Variants in FBXO42 observed in about 807,000 individuals in gnomAD.
FBXO42 encodes F-box only protein 42.
Under a neutral mutation model 71.7 loss-of-function variants are expected in FBXO42, and 12 were observed. The observed-to-expected ratio is 0.17, with a 90% CI of 0.11 to 0.27. FBXO42 has a LOEUF of 0.27. Among genes scored for constraint, FBXO42 ranks in the 10% least tolerant of loss-of-function variants. FBXO42 has a pLI of 1.00. For synonymous variants in FBXO42, 325 were observed against 327.5 expected, an observed-to-expected ratio of 0.99 and a Z score of 0.08; for missense variants, 707 against 911.9, an observed-to-expected ratio of 0.78 and a Z score of 2.89.
At chr1:16,351,566 GA>G (rs1323960302) in intron 1 of FBXO42, among the ~76,000 whole-genome samples, 2 of 151,610 alleles carry the variant, frequency 1.3e-5, no homozygotes, top group African/African-American at 4.9e-5. Context: ...ACTCAGCGCT[GA>G]AGTTACTCTG....
chr1:16,255,824 A>C lies in FBXO42; in HGVS notation c.657-3T>G. 8.7e-6 allele frequency: 14 copies of C among 1,607,466 alleles called. No individual in the cohort carries two copies. Among genetic ancestry groups the C allele is most frequent in the Non-Finnish European group, 1.2e-5 (14 of 1,176,284 alleles). ...GGGTTGTCACAATGCAGTTCCACCT[A>C]ATGTAAAAAGACAGGAGGAAGTCAA... On this transcript the variant is annotated splice_polypyrimidine_tract_variant and splice_region_variant and intron_variant, in intron 5 of 9. Coordinates refer to ENST00000375592, the MANE Select transcript of FBXO42 (RefSeq NM_018994.3).
At chr1:16,321,906 C>T (rs893029070) in intron 1 of FBXO42, among the ~76,000 whole-genome samples, 1 of 152,078 alleles carries the variant, frequency 6.6e-6, no homozygotes, top group African/African-American at 2.4e-5. Context: ...TGGTGGCTCA[C>T]GCCTGTAATC....
At chr1:16,320,716 TG>T (rs1281704935) in intron 1 of FBXO42, among the ~76,000 whole-genome samples, 1 of 151,606 alleles carries the variant, frequency 6.6e-6, no homozygotes, top group Non-Finnish European at 1.5e-5. Flanking sequence ...TGGAGTGCAG[TG>T]GCATGATCAA....
rs149665794 is a variant in FBXO42, at chr1:16,305,498, C to T, written c.367+305G>A. 5.5e-4 allele frequency among the ~76,000 whole-genome samples: 84 copies of T among 152,118 alleles called. 1 individual carries two copies. The highest frequency in any genetic ancestry group is 1.5e-4 in the Non-Finnish European group (10 of 68,022). ...CTGGGAGGCCAAGGCAGGCCTATTG[C>T]TTGAGCTCAGTTCAAGACTAGACTG... On this transcript the variant is annotated intron_variant, in intron 3 of 9. Transcript: ENST00000375592.
At chr1:16,280,027 T>C (rs2081945918) in intron 4 of FBXO42, among the ~76,000 whole-genome samples, 1 of 152,050 alleles carries the variant, frequency 6.6e-6, no homozygotes, top group Non-Finnish European at 1.5e-5. Context: ...TTGTATTTTT[T>C]AGTAAAGACA....
intron 1 of FBXO42, among the ~76,000 whole-genome samples, chr1:16,334,312 A>C (rs2082529770): frequency 6.6e-6 from 1 of 150,514 alleles, no homozygotes; most frequent in South Asian, 2.1e-4. Context: ...GGGTGCCTGT[A>C]GTCCCAGCTA....
chr1:16,257,141 T>A (rs2081655394), intron 4 of FBXO42, among the ~76,000 whole-genome samples: 1 of 152,098 alleles, frequency 6.6e-6, no homozygotes, highest in South Asian at 2.1e-4. Context: ...CCCCTTCCCA[T>A]CCCTTTAACA....
At chr1:16,309,854 G>C (rs1379040991) in intron 2 of FBXO42, among the ~76,000 whole-genome samples, 1 of 151,756 alleles carries the variant, frequency 6.6e-6, no homozygotes, top group Admixed American at 6.6e-5. Flanking sequence ...GACCAGCCTG[G>C]TCAACATGGT....
intron 2 of FBXO42, among the ~76,000 whole-genome samples, chr1:16,308,699 T>G (rs1351171317): frequency 4.0e-5 from 6 of 150,202 alleles, no homozygotes; most frequent in Non-Finnish European, 7.4e-5. Flanking sequence ...TTCATAGAGA[T>G]GGAGGTTGAC....
intron 2 of FBXO42, among the ~76,000 whole-genome samples, chr1:16,313,324 CAAAGAAAGAAAG>C (rs57296538): frequency 0.25 from 35,086 of 137,612 alleles, 4,964 homozygotes; most frequent in Non-Finnish European, 0.33. Context: ...GAAAAGAAAA[CAAAGAAAGAAAG>C]AAAGAAAGAA....
chr1:16,322,158 C>T (rs894231225), intron 1 of FBXO42, among the ~76,000 whole-genome samples: 3 of 152,094 alleles, frequency 2.0e-5, no homozygotes, highest in African/African-American at 4.8e-5. Context: ...TTTTATTGGT[C>T]AGAATTAATA....
At position 16,287,807 on chromosome 1, in the gene FBXO42, G is replaced by A. The variant is rs192242285; in HGVS notation, c.502+6976C>T. 5.1e-4 allele frequency among the ~76,000 whole-genome samples: 78 copies of A among 152,172 alleles called. 1 individual carries two copies. The East Asian group carries it at 0.013, about 26-fold the overall frequency. On this transcript the variant is annotated intron_variant, in intron 4 of 9. Coordinates refer to ENST00000375592, the MANE Select transcript of FBXO42 (RefSeq NM_018994.3). The stretch of plus-strand genomic sequence containing the variant: ...GTTTTCAGTGTCAAACTCTCGGCCA[G>A]GCACAGTGGCTCATGCCTGTAATCC...
chr1:16,250,796 G>A lies in FBXO42; in HGVS notation c.2028C>T (p.Thr676=). The A allele has an allele frequency of 1.2e-6, 2 of 1,614,146 alleles. No homozygotes were observed. Among genetic ancestry groups the A allele is most frequent in the Non-Finnish European group, 1.7e-6 (2 of 1,180,036 alleles). Residue 676 remains threonine (T), a synonymous_variant, in exon 10 of 10, where the codon ACC becomes ACT. Coordinates refer to ENST00000375592, the MANE Select transcript of FBXO42 (RefSeq NM_018994.3). This position sits in a 1 kb window ranked among gnomAD's most constrained non-coding sequence, Gnocchi z 4.7. Reference sequence around the variant, plus strand: ...TGCCTTGTACCACGGTATGCAGGCTGGTTTCAGGAGGTCCAACCACAGAAC... The same window carrying A: ...TGCCTTGTACCACGGTATGCAGGCTAGTTTCAGGAGGTCCAACCACAGAAC... ...NSSSVVGPPE[T]SLHTVVQGRG...
intron 1 of FBXO42, among the ~76,000 whole-genome samples, chr1:16,344,447 T>C (rs2100640586): frequency 6.6e-6 from 1 of 150,570 alleles, no homozygotes; most frequent in Admixed American, 6.6e-5. Flanking sequence ...GCTTCCCAAG[T>C]AGCTGAGATT....
At chr1:16,255,907 T>C (rs931377385) in intron 5 of FBXO42, 86 bp from the exon 6 acceptor site, 4 of 886,398 alleles carry the variant, frequency 4.5e-6, no homozygotes, top group African/African-American at 1.7e-5. Context: ...TTTAAAATGA[T>C]AATCCTATCA....
chr1:16,274,588 G>GTTT lies in FBXO42; in HGVS notation c.503-17832_503-17830dup, dbSNP rs533547281. Among the ~76,000 whole-genome samples, 427 of 53,468 alleles carry GTTT rather than the reference G, an allele frequency of 8.0e-3. 9 individuals are homozygous for GTTT. Among genetic ancestry groups the GTTT allele is most frequent in the Non-Finnish European group, 0.011 (356 of 31,642 alleles). 35.1% of individuals were successfully genotyped at this position (53,468 alleles called of 152,430 possible). ...CCCCCCCCATACAAATTATGCCCCC[G>GTTT]TTTTTTTTTTTTTTTTTTTTTTGAG... On this transcript the variant is annotated intron_variant, in intron 4 of 9. Coordinates refer to ENST00000375592, the MANE Select transcript of FBXO42 (RefSeq NM_018994.3).
At chr1:16,278,545 T>C (rs978749338) in intron 4 of FBXO42, among the ~76,000 whole-genome samples, 1 of 152,156 alleles carries the variant, frequency 6.6e-6, no homozygotes, top group Non-Finnish European at 1.5e-5. Flanking sequence ...GCTTTAGTTA[T>C]ACCTGGTACC....
chr1:16,344,302 T>C (rs1371321550), intron 1 of FBXO42, among the ~76,000 whole-genome samples: 1 of 149,682 alleles, frequency 6.7e-6, no homozygotes, highest in African/African-American at 2.5e-5. Context: ...ATTTTATTAG[T>C]AGTAATATGG....
At chr1:16,287,957 C>T (rs908207579) in intron 4 of FBXO42, among the ~76,000 whole-genome samples, 1 of 151,896 alleles carries the variant, frequency 6.6e-6, no homozygotes, top group Admixed American at 6.6e-5. Flanking sequence ...ATAGCCTGGC[C>T]AACGTGATGA....
Sources: allele counts gnomAD v4.1 joint callset (sites outside exome capture counted in the v4.1 genomes callset), GRCh38; gene constraint gnomAD v4.1.1; non-coding constraint Gnocchi (gnomAD v3.1); transcripts MANE v1.5; gene names NCBI Gene and HGNC (gene_info 2026-07-23, HGNC 2026-07-21).